The following ZC3H12B variants were observed in gnomAD, a reference collection of about 807,000 sequenced individuals.
ZC3H12B encodes the protein probable ribonuclease ZC3H12B.
In ZC3H12B, 7 loss-of-function variants were observed where a neutral mutation model predicts 43.9. The ratio of observed to expected loss-of-function variants is 0.16; its 90% confidence interval spans 0.09 to 0.30. The LOEUF (loss-of-function observed/expected upper bound fraction) is 0.30. ZC3H12B is among the 10% of genes least tolerant of loss of function. ZC3H12B has a pLI of 1.00. For missense variants in ZC3H12B, 475 were observed against 670.2 expected, an observed-to-expected ratio of 0.71 and a Z score of 3.22; for synonymous variants, 222 against 241.7, an observed-to-expected ratio of 0.92 and a Z score of 0.76.
At chrX:65,172,374 A>G in the ZC3H12B span, among the ~76,000 whole-genome samples, 2 of 111,703 alleles carry the variant, frequency 1.8e-5, no homozygotes, top group Non-Finnish European at 3.8e-5. Context: ...TCCATTCTAT[A>G]TGTTGCCTGT....
chrX:65,108,261 T>C, the ZC3H12B span, among the ~76,000 whole-genome samples: 5 of 111,629 alleles, frequency 4.5e-5, no homozygotes, highest in African/African-American at 1.3e-4. Flanking sequence ...TTGCTTACTA[T>C]AACTTTTAAC....
At chrX:65,481,622 T>A (rs918722371) in intron 3 of ZC3H12B, among the ~76,000 whole-genome samples, 1 of 111,800 alleles carries the variant, frequency 8.9e-6, no homozygotes, top group Non-Finnish European at 1.9e-5. Context: ...CATTATATGG[T>A]TGACATATTT....
chrX:65,130,980 C>T, the ZC3H12B span, among the ~76,000 whole-genome samples: 4 of 111,876 alleles, frequency 3.6e-5, no homozygotes, highest in Non-Finnish European at 5.6e-5. Flanking sequence ...TTGAGAAGAG[C>T]TTTTATTAAA....
At chrX:65,073,008 CCT>C in the ZC3H12B span, among the ~76,000 whole-genome samples, 2 of 112,304 alleles carry the variant, frequency 1.8e-5, no homozygotes, top group African/African-American at 3.2e-5. Context: ...GGCAGAGTGT[CCT>C]CTGTTTTCTG....
chrX:65,166,236 A>C, the ZC3H12B span, among the ~76,000 whole-genome samples: 4 of 109,876 alleles, frequency 3.6e-5, no homozygotes, highest in Admixed American at 3.9e-4. Flanking sequence ...GATGTTCCCC[A>C]CCCTGTGTCC....
At chrX:65,053,177 A>G in the ZC3H12B span, among the ~76,000 whole-genome samples, 2 of 110,363 alleles carry the variant, frequency 1.8e-5, no homozygotes, top group African/African-American at 6.6e-5. Flanking sequence ...TTACGTATGT[A>G]TACATGTGCC....
At chrX:65,236,400 T>A in the ZC3H12B span, among the ~76,000 whole-genome samples, 1 of 112,085 alleles carries the variant, frequency 8.9e-6, no homozygotes, top group Non-Finnish European at 1.9e-5. Flanking sequence ...ATGGGGTTGT[T>A]TTTTTCTTTT....
At chrX:65,323,226 A>C in the ZC3H12B span, among the ~76,000 whole-genome samples, 1 of 111,856 alleles carries the variant, frequency 8.9e-6, no homozygotes, top group Non-Finnish European at 1.9e-5. Context: ...GTTGTTCTGG[A>C]TCTTAGATAA....
At chrX:65,277,553 TAAC>T in the ZC3H12B span, among the ~76,000 whole-genome samples, 1 of 111,863 alleles carries the variant, frequency 8.9e-6, no homozygotes, top group African/African-American at 3.2e-5. Context: ...TAGTTATCAA[TAAC>T]AAGAGGAACA....
intron 3 of ZC3H12B, among the ~76,000 whole-genome samples, chrX:65,456,956 G>A (rs1203960368): frequency 9.6e-6 from 1 of 104,280 alleles, no homozygotes; most frequent in Admixed American, 1.0e-4. Flanking sequence ...TGGAAAGTGA[G>A]GAGCGTCTCT....
At chrX:65,373,931 T>TATAGTATATATATATACTATATATAC (rs2066290170) in intron 2 of ZC3H12B, among the ~76,000 whole-genome samples, 1 of 49,827 alleles carries the variant, frequency 2.0e-5, no homozygotes, top group Non-Finnish European at 2.9e-5. Flanking sequence ...ACTATATATA[T>TATAGTATATATATATACTATATATAC]AGTATATATA....
the ZC3H12B span, among the ~76,000 whole-genome samples, chrX:65,213,172 A>T: frequency 9.1e-6 from 1 of 109,569 alleles, no homozygotes; most frequent in Non-Finnish European, 1.9e-5. Flanking sequence ...TTATATATCT[A>T]ATTGTTGCTT....
rs765040148 is a variant in ZC3H12B, at chrX:65,470,522, C to T, written n.408-18124C>T. ...CTTAGTTTATTGTTCCCAGCACCCG[C>T]CCCCTCCTCAACTCTTCCTTAATCC... On this transcript the variant is annotated intron_variant and non_coding_transcript_variant, in intron 3 of 5. Transcript: ENST00000617377. 3.6e-5 allele frequency: 4 copies of T among 110,869 alleles called. No individual in the cohort carries two copies. In the Admixed American group the frequency reaches 3.8e-4, roughly 11 times the overall value. 9.1% of individuals were successfully genotyped at this position (110,869 alleles called of 1,213,427 possible). A position where few individuals can be genotyped will look rare whatever the true frequency, so the allele number is the denominator to read the frequency against.
the ZC3H12B span, among the ~76,000 whole-genome samples, chrX:65,134,355 G>T: frequency 1.8e-5 from 2 of 111,002 alleles, no homozygotes; most frequent in African/African-American, 6.6e-5. Context: ...TCAGGCAGGC[G>T]TCCCTGCAGT....
At chrX:65,144,448 A>G in the ZC3H12B span, among the ~76,000 whole-genome samples, 1 of 110,872 alleles carries the variant, frequency 9.0e-6, no homozygotes, top group African/African-American at 3.3e-5. Flanking sequence ...TATCTTTTGT[A>G]TTTTTTTGTT....
the ZC3H12B span, among the ~76,000 whole-genome samples, chrX:65,084,377 C>A: frequency 9.0e-6 from 1 of 111,283 alleles, no homozygotes; most frequent in East Asian, 2.8e-4. Flanking sequence ...GATTAATAAG[C>A]AGAATATATA....
the ZC3H12B span, among the ~76,000 whole-genome samples, chrX:65,207,218 A>G: frequency 1.9e-5 from 2 of 106,349 alleles, no homozygotes; most frequent in South Asian, 8.4e-4. Context: ...ACATGTTTAT[A>G]GGAGCACATA....
the ZC3H12B span, among the ~76,000 whole-genome samples, chrX:65,094,840 A>G: frequency 8.9e-6 from 1 of 112,345 alleles, no homozygotes; most frequent in Non-Finnish European, 1.9e-5. Flanking sequence ...ATGAAGACAT[A>G]TGGTGGTTGC....
intron 1 of ZC3H12B, among the ~76,000 whole-genome samples, chrX:65,492,875 G>A (rs930931799): frequency 2.4e-4 from 27 of 111,781 alleles, no homozygotes; most frequent in African/African-American, 7.8e-4. Flanking sequence ...GCCAAGGCAG[G>A]CAGACTGCTT....
Sources: gnomAD v4.1 joint callset for allele counts (sites outside exome capture counted in the v4.1 genomes callset) on GRCh38, gnomAD v4.1.1 for gene constraint, MANE v1.5 for transcripts, NCBI Gene and HGNC (gene_info 2026-07-23, HGNC 2026-07-21) for gene names.